Variants in ZNF280C observed in about 807,000 individuals in gnomAD.
The protein encoded by ZNF280C is suppressor of hairy wing homolog 3.
A neutral mutation model predicts 53.6 loss-of-function variants in ZNF280C; 14 were observed. The observed-to-expected ratio is 0.26, with a 90% CI of 0.17 to 0.41. ZNF280C has a LOEUF of 0.41. ZNF280C is among the 10% of genes least tolerant of loss of function. The pLI, the probability that ZNF280C is intolerant of heterozygous loss-of-function variation, is 1.00. For missense variants in ZNF280C, 416 were observed against 547.1 expected (o/e 0.76, Z 2.39); for synonymous variants, 203 against 181.1 (o/e 1.12, Z -0.97).
intron 2 of ZNF280C, among the ~76,000 whole-genome samples, chrX:130,255,743 C>T (rs889701753): frequency 4.5e-5 from 5 of 111,290 alleles, no homozygotes; most frequent in Non-Finnish European, 1.9e-5. Flanking sequence ...TCACTTGAGG[C>T]CAGGAGTTCG....
intron 11 of ZNF280C, 90 bp from the exon 12 acceptor site, chrX:130,226,995 G>T: frequency 1.2e-6 from 1 of 859,486 alleles, no homozygotes; most frequent in South Asian, 2.6e-5. Context: ...CATCTGTTTG[G>T]AAGAACATGT....
At chrX:130,213,858 T>C (rs764852239) in intron 15 of ZNF280C, among the ~76,000 whole-genome samples, 19 of 112,471 alleles carry the variant, frequency 1.7e-4, no homozygotes, top group Admixed American at 2.8e-4. Flanking sequence ...GCTGAAGCCA[T>C]CAAAAAACGT....
chrX:130,217,107 T>C (rs1166778776), intron 13 of ZNF280C, among the ~76,000 whole-genome samples: 3 of 112,466 alleles, frequency 2.7e-5, no homozygotes, highest in African/African-American at 9.7e-5. Context: ...CTCAGAGGTA[T>C]ATACCCATGA....
At chrX:130,214,548 T>C (rs2032079002) in intron 15 of ZNF280C, among the ~76,000 whole-genome samples, 1 of 111,021 alleles carries the variant, frequency 9.0e-6, no homozygotes, top group African/African-American at 3.3e-5. Flanking sequence ...CCTGTATCCA[T>C]GGGGGATTGG....
rs761404095 is a variant in ZNF280C at position 130,240,922 on chromosome X, T to C, written c.382-1229A>G. On this transcript the variant is annotated intron_variant, in intron 5 of 18. Transcript: ENST00000370978. ...GCCACTAATAATTATGTATTTAAAATGTACTTGCCTCTTTCACAGTACATG... is the reference window on the plus strand; with the variant it reads ...GCCACTAATAATTATGTATTTAAAACGTACTTGCCTCTTTCACAGTACATG... Among the ~76,000 whole-genome samples, 3 of 112,428 alleles carry C rather than the reference T, an allele frequency of 2.7e-5. 1 individual carries two copies. The Middle Eastern group carries it at 0.014, about 523-fold the overall frequency.
At chrX:130,235,795 A>C (rs2032325913) in intron 8 of ZNF280C, among the ~76,000 whole-genome samples, 1 of 111,055 alleles carries the variant, frequency 9.0e-6, no homozygotes, top group African/African-American at 3.3e-5. Context: ...CTTCTATCTA[A>C]CTGTATATTT....
chrX:130,251,322 TACA>T (rs1431722754), intron 2 of ZNF280C, among the ~76,000 whole-genome samples: 1 of 78,754 alleles, frequency 1.3e-5, no homozygotes, highest in Non-Finnish European at 2.3e-5. Flanking sequence ...AGCAATATTA[TACA>T]ACATTTCCCT....
At chrX:130,213,006 G>C (rs1603239604) in intron 15 of ZNF280C, among the ~76,000 whole-genome samples, 1 of 111,951 alleles carries the variant, frequency 8.9e-6, no homozygotes, top group African/African-American at 3.2e-5. Flanking sequence ...ATTAGGCAAG[G>C]TTAACAACTG....
intron 16 of ZNF280C, among the ~76,000 whole-genome samples, chrX:130,208,113 C>T (rs979076456): frequency 1.1e-4 from 12 of 111,852 alleles, no homozygotes; most frequent in African/African-American, 3.9e-4. Flanking sequence ...ATACAAAATG[C>T]TATGTCCATA....
Position 130,215,859 on chromosome X carries a change from T to C in ZNF280C, c.1770A>G (p.Lys590=). 3 of 1,211,022 alleles carry C rather than the reference T, an allele frequency of 2.5e-6. No homozygotes were observed. The highest frequency in any genetic ancestry group is 3.4e-6 in the Non-Finnish European group (3 of 895,222). Reference sequence around the variant, plus strand: ...GCTGTCGCTTTTGCTTGTAAGAGGGTTTTGCTTTGGACTTAGCTATACGTC... The same window carrying C: ...GCTGTCGCTTTTGCTTGTAAGAGGGCTTTGCTTTGGACTTAGCTATACGTC... The part of the protein sequence containing the change: ...PRGRIAKSKA[K]PSYKQKRQRN... Residue 590 remains lysine, a synonymous_variant, in exon 14 of 19, where the codon AAA becomes AAG. Coordinates refer to ENST00000370978, the MANE Select transcript of ZNF280C (RefSeq NM_017666.5).
chrX:130,267,184 G>A (rs1170905219), intron 1 of ZNF280C, among the ~76,000 whole-genome samples: 5 of 110,813 alleles, frequency 4.5e-5, no homozygotes, highest in Non-Finnish European at 9.4e-5. Context: ...CCAAGTAGCT[G>A]AGATTTGGAG....
intron 2 of ZNF280C, among the ~76,000 whole-genome samples, chrX:130,250,415 C>T (rs1179278028): frequency 5.4e-5 from 6 of 111,023 alleles, no homozygotes; most frequent in African/African-American, 2.0e-4. Flanking sequence ...GAGAGAAGAT[C>T]CAAATAAACA....
chrX:130,234,623 G>A (rs974672573), intron 8 of ZNF280C, among the ~76,000 whole-genome samples: 2 of 111,761 alleles, frequency 1.8e-5, no homozygotes, highest in South Asian at 3.7e-4. Context: ...CTTTGCACTC[G>A]TCTCATCACT....
rs758457898 is a variant in ZNF280C, at chrX:130,250,273, C to T, written c.32-3268G>A. Among the ~76,000 whole-genome samples, 11 of 111,453 alleles carry T rather than the reference C, an allele frequency of 9.9e-5. No homozygotes were observed. The South Asian group carries it at 4.2e-3, about 42-fold the overall frequency. ...CCAATTCCAAAGCTAAGAGAGAAGA[C>T]AAGAAATGTCCAAAATCAGAGCTGA... is the stretch of plus-strand genomic sequence containing the variant. On this transcript the variant is annotated intron_variant, in intron 2 of 18. Transcript: ENST00000370978.
chrX:130,243,221 C>T (rs1341137339), intron 5 of ZNF280C, among the ~76,000 whole-genome samples: 1 of 111,479 alleles, frequency 9.0e-6, no homozygotes. Context: ...CTCACCCTCT[C>T]ACCCAGGCTG....
At chrX:130,252,580 T>A (rs1187225688) in intron 2 of ZNF280C, among the ~76,000 whole-genome samples, 1 of 109,507 alleles carries the variant, frequency 9.1e-6, no homozygotes, top group East Asian at 2.9e-4. Flanking sequence ...ATTAACTGGG[T>A]GTGGTGGCGC....
chrX:130,257,301 T>C (rs1340376980), intron 2 of ZNF280C, among the ~76,000 whole-genome samples: 2 of 107,898 alleles, frequency 1.9e-5, no homozygotes, highest in South Asian at 4.0e-4. Context: ...GGACAATACA[T>C]AGAAAAAGAG....
At chrX:130,208,697 A>T (rs1338583768) in intron 16 of ZNF280C, among the ~76,000 whole-genome samples, 5 of 99,436 alleles carry the variant, frequency 5.0e-5, no homozygotes, top group East Asian at 6.2e-4. Flanking sequence ...AAATAGCATA[A>T]TTTTTTTTTT....
chrX:130,252,581 G>A (rs750320124), intron 2 of ZNF280C, among the ~76,000 whole-genome samples: 3 of 110,331 alleles, frequency 2.7e-5, no homozygotes, highest in Non-Finnish European at 5.7e-5. Context: ...TTAACTGGGT[G>A]TGGTGGCGCG....
Sources: allele counts gnomAD v4.1 joint callset (sites outside exome capture counted in the v4.1 genomes callset), GRCh38; gene constraint gnomAD v4.1.1; transcripts MANE v1.5; gene names NCBI Gene and HGNC (gene_info 2026-07-23, HGNC 2026-07-21).